The following VPS4B variants were observed in gnomAD, a reference collection of about 807,000 sequenced individuals.
VPS4B encodes the protein vacuolar protein sorting-associated protein 4B.
VPS4B carries 23 observed loss-of-function variants against 56.1 expected under a neutral mutation model. The ratio of observed to expected loss-of-function variants is 0.41; its 90% CI spans 0.30 to 0.58. The LOEUF (loss-of-function observed/expected upper bound fraction) is 0.58, where lower values mean the gene tolerates loss of function less well. Ranked by LOEUF, VPS4B falls within the 20% of genes least tolerant of loss-of-function variation. The probability of loss-of-function intolerance (pLI) is 0.29; values close to 1 mark genes in which losing one functional copy is unlikely to be tolerated. For synonymous variants in VPS4B, 177 were observed against 186.0 expected, an observed-to-expected ratio of 0.95 and a Z score of 0.39; for missense variants, 372 against 531.9, an observed-to-expected ratio of 0.70 and a Z score of 2.96.
chr18:63,412,565 G>C (rs1736895161), intron 1 of VPS4B, among the ~76,000 whole-genome samples: 1 of 152,102 alleles, frequency 6.6e-6, no homozygotes, highest in Non-Finnish European at 1.5e-5. Flanking sequence ...TTAAGAAGTG[G>C]TGCTAGAGGA....
At chr18:63,396,454 T>C (rs756383700) in intron 9 of VPS4B, 6 of 152,450 alleles carry the variant, frequency 3.9e-5, no homozygotes, top group Non-Finnish European at 7.3e-5. Context: ...GGTTTTGCCA[T>C]GTTGCCTGAG....
intron 1 of VPS4B, 74 bp downstream of exon 1, chr18:63,422,159 C>A: frequency 7.2e-7 from 1 of 1,386,848 alleles, no homozygotes; most frequent in South Asian, 1.6e-5. Flanking sequence ...CTCCCTTCTC[C>A]CCGCCCCCCA....
intron 10 of VPS4B, 144 bp downstream of exon 10, chr18:63,393,265 T>C: frequency 1.3e-6 from 1 of 785,204 alleles, no homozygotes; most frequent in East Asian, 3.3e-5. Context: ...TAAGTTCAAT[T>C]AACTTCATAA....
Position 63,400,071 on chromosome 18 carries a change from G to A in VPS4B, c.767C>T (p.Thr256Met), listed in dbSNP as rs1178624815. The A allele has an allele frequency of 1.9e-6, 3 of 1,607,180 alleles. No homozygotes were observed. Among genetic ancestry groups the A allele is most frequent in the South Asian group, 1.1e-5 (1 of 89,560 alleles). ...ACCTTGCATTTGCACTAGGAACTCC[G>A]TCTTAATTCTACGTGCGGCTTCACT... is the stretch of plus-strand genomic sequence containing the variant. Reference protein sequence around the residue: ...NESEAARRIKTEFLVQMQGVG... With the variant: ...NESEAARRIKMEFLVQMQGVG... The change falls in exon 7 of 11, where the codon ACG becomes ATG. Residue 256 changes from threonine (T) to methionine (M), a missense_variant. By Grantham distance (81) the Thr-to-Met change is moderately conservative. Around this residue, in one of 3 missense-constraint regions of VPS4B, gnomAD observed 66 missense variants for 150.7 expected, o/e 0.44. Transcript: ENST00000238497.
intron 5 of VPS4B, 87 bp from the exon 6 acceptor site, chr18:63,400,790 AC>A: frequency 8.0e-7 from 1 of 1,251,876 alleles, no homozygotes; most frequent in Non-Finnish European, 1.1e-6. Context: ...AAAGATTTTC[AC>A]TCTAAACCTC....
chr18:63,397,121 A>G lies in VPS4B; in HGVS notation c.1005T>C (p.Gly335=), dbSNP rs1185754719. 1 of 1,614,156 alleles carries G rather than the reference A, an allele frequency of 6.2e-7. No individual in the cohort carries two copies. The change falls in exon 9 of 11, where the codon GGT becomes GGC. Residue 335 remains glycine, a synonymous_variant. Coordinates refer to ENST00000238497, the MANE Select transcript of VPS4B (RefSeq NM_004869.4). ...DFRELGRKTD[G]YSGADISIIV... ...TGATACTTATATCTGCCCCTGAATA[A>G]CCATCTGTTTTCCTCCCAAGTTCCC...
intron 3 of VPS4B, among the ~76,000 whole-genome samples, chr18:63,409,707 GTGT>G (rs1487304395): frequency 6.6e-6 from 1 of 152,190 alleles, no homozygotes; most frequent in East Asian, 1.9e-4. Context: ...AAGTTATGCT[GTGT>G]TGTTTTCTTT....
At chr18:63,422,179 C>G (rs1916318656) in intron 1 of VPS4B, 54 bp downstream of exon 1, 27 of 1,438,006 alleles carry the variant, frequency 1.9e-5, no homozygotes, top group Non-Finnish European at 2.3e-5. Context: ...ACCCGCTTCT[C>G]GCGCCTCCCC....
At chr18:63,391,157 T>A in intron 10 of VPS4B, 81 bp from the exon 11 acceptor site, 1 of 895,936 alleles carries the variant, frequency 1.1e-6, no homozygotes, top group East Asian at 2.6e-5. Flanking sequence ...TCATTATTGC[T>A]ATGAACTTTA....
intron 7 of VPS4B, among the ~76,000 whole-genome samples, 166 bp downstream of exon 7, chr18:63,399,882 G>T (rs1433837082): frequency 1.3e-5 from 2 of 152,134 alleles, no homozygotes; most frequent in African/African-American, 2.4e-5. Flanking sequence ...AGCCGGGCAT[G>T]GTGGTGCGCG....
At position 63,397,161 on chromosome 18, in the gene VPS4B, G is replaced by A. The variant is rs776365854; in HGVS notation, c.965C>T (p.Thr322Met). The change falls in exon 9 of 11, where the codon ACG (threonine) becomes ATG (methionine). Residue 322 changes from threonine to methionine, a missense_variant. Thr to Met is a moderately conservative substitution (Grantham distance 81). Around this residue, in one of 3 missense-constraint regions of VPS4B, gnomAD observed 153 missense variants for 190.9 expected, o/e 0.80. Transcript: ENST00000238497. ...CCCAAGTTCCCGAAAGTCTGCTTCCGTGAGACTGTTCTGAGTGGTCCCTAG... is the reference window on the plus strand; with the variant it reads ...CCCAAGTTCCCGAAAGTCTGCTTCCATGAGACTGTTCTGAGTGGTCCCTAG... Reference protein sequence around the residue: ...LHLGTTQNSLTEADFRELGRK... With the variant: ...LHLGTTQNSLMEADFRELGRK... 14 of 1,614,024 alleles carry A rather than the reference G, an allele frequency of 8.7e-6. No homozygotes were observed. The highest frequency in any genetic ancestry group is 5.0e-5 in the Admixed American group (3 of 60,000).
intron 4 of VPS4B, among the ~76,000 whole-genome samples, chr18:63,405,875 A>T (rs959597937): frequency 6.6e-6 from 1 of 152,004 alleles, no homozygotes; most frequent in Non-Finnish European, 1.5e-5. Flanking sequence ...GTTCCCAGCT[A>T]CTCAGGAGGC....
At chr18:63,395,868 C>G (rs1016062482) in intron 9 of VPS4B, among the ~76,000 whole-genome samples, 3 of 152,204 alleles carry the variant, frequency 2.0e-5, no homozygotes, top group African/African-American at 7.2e-5. Context: ...GCTGAGATTT[C>G]AGATTTGGAA....
chr18:63,393,273 T>C (rs1915595548), intron 10 of VPS4B, 136 bp downstream of exon 10: 1 of 829,506 alleles, frequency 1.2e-6, no homozygotes, highest in Non-Finnish European at 1.7e-6. Flanking sequence ...ATTAACTTCA[T>C]AATTTTTAAT....
At chr18:63,422,162 GC>G in intron 1 of VPS4B, 70 bp downstream of exon 1, 4 of 1,356,184 alleles carry the variant, frequency 2.9e-6, no homozygotes, top group South Asian at 3.4e-5. Context: ...CCTTCTCCCC[GC>G]CCCCCACCCG....
At chr18:63,394,325 T>C (rs1389695826) in intron 9 of VPS4B, among the ~76,000 whole-genome samples, 1 of 152,224 alleles carries the variant, frequency 6.6e-6, no homozygotes, top group Non-Finnish European at 1.5e-5. Flanking sequence ...AAGTGCAAAA[T>C]TGTATGCTAA....
At chr18:63,413,962 T>C (rs545973036) in intron 1 of VPS4B, among the ~76,000 whole-genome samples, 3 of 152,294 alleles carry the variant, frequency 2.0e-5, no homozygotes, top group African/African-American at 7.2e-5. Context: ...AAAGCTAAAT[T>C]TTCAAGTTTT....
chr18:63,420,016 G>GA (rs1408875101), intron 1 of VPS4B, among the ~76,000 whole-genome samples: 4 of 152,178 alleles, frequency 2.6e-5, no homozygotes, highest in African/African-American at 9.7e-5. Context: ...GGTTGAATGA[G>GA]AAAGCACACA....
In VPS4B at chr18:63,413,076, T is replaced by TGTG. The variant is rs1473776830; in HGVS notation, c.28-1499_28-1498insCAC. 4.6e-5 allele frequency among the ~76,000 whole-genome samples: 7 copies of TGTG among 152,262 alleles called. No individual in the cohort carries two copies. In the East Asian group the frequency reaches 1.3e-3, roughly 29 times the overall value. On this transcript the variant is annotated intron_variant, in intron 1 of 10. Coordinates refer to ENST00000238497, the MANE Select transcript of VPS4B (RefSeq NM_004869.4). ...TAAAGAACTCTCAAAATGTAACACA[T>TGTG]ATCTACATGTGATAAAACTGCACAA... is the stretch of plus-strand genomic sequence containing the variant.
Sources: allele counts gnomAD v4.1 joint callset (sites outside exome capture counted in the v4.1 genomes callset), GRCh38; gene constraint gnomAD v4.1.1; regional missense constraint gnomAD v4.1.1; transcripts MANE v1.5; gene names NCBI Gene and HGNC (gene_info 2026-07-23, HGNC 2026-07-21).